CDH26: variants seen among roughly 807,000 people sequenced by gnomAD.
The protein encoded by CDH26 is cadherin 26, also known as cadherin-like protein 26.
CDH26 carries 83 observed loss-of-function variants against 90.3 expected under a neutral mutation model. The ratio of observed to expected loss-of-function variants is 0.92; its 90% CI spans 0.77 to 1.10. CDH26 has a LOEUF of 1.10. Ranked by LOEUF, CDH26 falls within the 50% of genes least tolerant of loss-of-function variation. The pLI is 0.00. For missense variants in CDH26, 1,013 were observed against 1,037.6 expected, an observed-to-expected ratio of 0.98 and a Z score of 0.33; for synonymous variants, 397 against 396.3, an observed-to-expected ratio of 1.00 and a Z score of -0.02.
chr20:59,988,315 T>G (rs1369891883), intron 8 of CDH26, among the ~76,000 whole-genome samples: 1 of 152,100 alleles, frequency 6.6e-6, no homozygotes, highest in Non-Finnish European at 1.5e-5. Flanking sequence ...TCTAGTGCAG[T>G]GCAGGGCAGG....
intron 2 of CDH26, 81 bp downstream of exon 2, chr20:59,969,104 C>T: frequency 1.2e-6 from 1 of 816,496 alleles, no homozygotes; most frequent in African/African-American, 1.7e-5. Context: ...GTTTGGAGTT[C>T]TTTAGTGCCC....
intron 10 of CDH26, among the ~76,000 whole-genome samples, chr20:59,993,837 G>C (rs1488967190): frequency 2.6e-5 from 4 of 152,204 alleles, no homozygotes; most frequent in African/African-American, 9.6e-5. Context: ...ACACCTTGCA[G>C]GACTACAGTG....
chr20:60,025,002 G>A (rs1354867811), intron 7 of CDH26, among the ~76,000 whole-genome samples: 1 of 152,178 alleles, frequency 6.6e-6, no homozygotes, highest in Non-Finnish European at 1.5e-5. Context: ...CTGCCGACCT[G>A]AAGGGGGACT....
chr20:59,971,882 T>C, intron 3 of CDH26, 80 bp from the exon 4 acceptor site: 1 of 1,198,028 alleles, frequency 8.3e-7, no homozygotes, highest in Non-Finnish European at 1.2e-6. Context: ...ATGCCATTGA[T>C]TCTTAGCCTT....
At chr20:60,017,343 T>C (rs999494725), downstream of CDH26, among the ~76,000 whole-genome samples, 9 of 152,022 alleles carry the variant, frequency 5.9e-5, no homozygotes, top group African/African-American at 2.2e-4. Context: ...TCTTAGTAGG[T>C]TGTATGTGTT....
intron 17 of CDH26, among the ~76,000 whole-genome samples, chr20:60,008,873 G>A (rs1029182227): frequency 1.3e-5 from 2 of 152,134 alleles, no homozygotes; most frequent in African/African-American, 4.8e-5. Context: ...CATCTTCTCC[G>A]GGCCTAGAAG....
intron 9 of CDH26, among the ~76,000 whole-genome samples, chr20:59,990,279 A>G (rs1198575736): frequency 6.6e-6 from 1 of 152,228 alleles, no homozygotes. Context: ...TGGGTGGCAT[A>G]TGGCCTGAAT....
At chr20:60,033,665 G>A (rs900732698) in exon 9 of CDH26, 5 of 1,304,354 alleles carry the variant, frequency 3.8e-6, no homozygotes, top group Admixed American at 2.3e-5. Flanking sequence ...TTGCAGGGCT[G>A]TCTCAGGCTG....
At chr20:60,009,124 A>C (rs1334404009) in intron 17 of CDH26, among the ~76,000 whole-genome samples, 1 of 152,224 alleles carries the variant, frequency 6.6e-6, no homozygotes, top group African/African-American at 2.4e-5. Context: ...CATTTTCACT[A>C]TAACCCAATG....
At position 59,988,965 on chromosome 20, in the gene CDH26, G is replaced by A; in HGVS notation, c.1085G>A (p.Arg362Lys). The A allele has an allele frequency of 6.2e-7, 1 of 1,614,162 alleles. No individual in the cohort carries two copies. The highest frequency in any genetic ancestry group is 2.2e-5 in the East Asian group (1 of 44,872). Residue 362 changes from arginine to lysine, a missense_variant, in exon 9 of 18, where the codon AGG becomes AAG. Coordinates refer to ENST00000348616, the MANE Select transcript of CDH26 (RefSeq NM_177980.4). Reference sequence around the variant, plus strand: ...ATCATTGTCGTGGAGAATGAGGAGAGGCTCGTCTTCTGTGAGAGAGGAAAG... The same window carrying A: ...ATCATTGTCGTGGAGAATGAGGAGAAGCTCGTCTTCTGTGAGAGAGGAAAG... ...SLIIVVENEERLVFCERGKLQ... is the reference protein window; with the variant it reads ...SLIIVVENEEKLVFCERGKLQ...
intron 7 of CDH26, among the ~76,000 whole-genome samples, chr20:59,987,098 G>A (rs2061468544): frequency 6.6e-6 from 1 of 152,194 alleles, no homozygotes; most frequent in Non-Finnish European, 1.5e-5. Context: ...TAGGGGAAGA[G>A]CTAGGATTTT....
intron 4 of CDH26, among the ~76,000 whole-genome samples, chr20:59,974,687 A>G (rs369970011): frequency 7.9e-5 from 12 of 152,226 alleles, no homozygotes; most frequent in African/African-American, 2.9e-4. Flanking sequence ...TTGTCTTTTA[A>G]TATTGATTTA....
rs1371946212 is a variant in CDH26 at position 59,995,890 on chromosome 20, C to T, written c.1724C>T (p.Pro575Leu). 7.4e-6 allele frequency: 12 copies of T among 1,614,096 alleles called. No individual in the cohort carries two copies. The highest frequency in any genetic ancestry group is 1.3e-5 in the African/African-American group (1 of 74,924). The change falls in exon 12 of 18, where the codon CCA (proline) becomes CTA (leucine). Residue 575 changes from proline (P) to leucine (L), a missense_variant. Transcript: ENST00000348616. ...RSLPRGNYLVPLFIGDKQGLS... is the reference protein window; with the variant it reads ...RSLPRGNYLVLLFIGDKQGLS... ...CTGCCACGTGGTAATTACTTGGTGC[C>T]ACTCTTCATTGGAGACAAACAGGGA...
chr20:59,987,007 T>C (rs1020297697), intron 7 of CDH26, among the ~76,000 whole-genome samples: 2 of 152,192 alleles, frequency 1.3e-5, no homozygotes, highest in Non-Finnish European at 2.9e-5. Flanking sequence ...TCCAAAAGTA[T>C]TGAATAACAA....
chr20:59,972,624 A>G (rs1445913360), intron 4 of CDH26, among the ~76,000 whole-genome samples: 1 of 152,206 alleles, frequency 6.6e-6, no homozygotes, highest in Non-Finnish European at 1.5e-5. Context: ...TTCAGGTTGT[A>G]AACTAGGAAA....
At chr20:59,976,232 A>G (rs2061327095) in intron 4 of CDH26, among the ~76,000 whole-genome samples, 2 of 152,230 alleles carry the variant, frequency 1.3e-5, no homozygotes. Flanking sequence ...TGATGTATCA[A>G]GTTAATGCAC....
At chr20:60,016,018 T>C (rs1338769766), downstream of CDH26, among the ~76,000 whole-genome samples, 1 of 152,208 alleles carries the variant, frequency 6.6e-6, no homozygotes, top group East Asian at 1.9e-4. Flanking sequence ...GTTTCAGTTA[T>C]TATAGTTTTG....
rs144934746 is a variant in CDH26, at chr20:59,985,742, G to A, written c.837+613G>A. On this transcript the variant is annotated intron_variant, in intron 7 of 17. Transcript: ENST00000348616. ...CAAGAAGCCAAATCATATTGACATA[G>A]AAGCAGTTCATAATGGTCACATGAG... Among the ~76,000 whole-genome samples the A allele has an allele frequency of 3.5e-4, 54 of 152,300 alleles. No homozygotes were observed. In the East Asian group the frequency reaches 9.7e-3, roughly 27 times the overall value.
intron 1 of CDH26, among the ~76,000 whole-genome samples, chr20:59,962,679 C>T (rs1374863943): frequency 1.3e-5 from 2 of 152,134 alleles, no homozygotes; most frequent in Non-Finnish European, 2.9e-5. Context: ...TTTAGGGACA[C>T]AATTCAACCC....
Sources: allele counts gnomAD v4.1 joint callset (sites outside exome capture counted in the v4.1 genomes callset), GRCh38; gene constraint gnomAD v4.1.1; transcripts MANE v1.5; gene names NCBI Gene and HGNC (gene_info 2026-07-23, HGNC 2026-07-21).